The following CDCA7L variants were observed in gnomAD, a reference collection of about 807,000 sequenced individuals.
CDCA7L encodes the protein cell division cycle associated 7 like.
A neutral mutation model predicts 57.4 loss-of-function variants in CDCA7L; 44 were observed. The observed-to-expected ratio is 0.77, with a 90% CI of 0.60 to 0.98. The LOEUF is 0.98. Among genes scored for constraint, CDCA7L ranks in the 50% least tolerant of loss-of-function variants. The pLI, the probability that CDCA7L is intolerant of heterozygous loss-of-function variation, is 0.00. For synonymous variants in CDCA7L, 236 were observed against 202.8 expected, an observed-to-expected ratio of 1.16 and a Z score of -1.39; for missense variants, 644 against 580.6, an observed-to-expected ratio of 1.11 and a Z score of -1.12.
intron 1 of CDCA7L, among the ~76,000 whole-genome samples, chr7:21,925,753 G>C (rs1785805247): frequency 6.6e-6 from 1 of 152,148 alleles, no homozygotes; most frequent in Non-Finnish European, 1.5e-5. Context: ...GCCAGGCATA[G>C]TGGCATGTCT....
Position 21,902,368 on chromosome 7 carries a change from G to A in CDCA7L, c.1335-16C>T, listed in dbSNP as rs775624426. 2 of 1,612,876 alleles carry A rather than the reference G, an allele frequency of 1.2e-6. No individual in the cohort carries two copies. The highest frequency in any genetic ancestry group is 1.7e-5 in the Admixed American group (1 of 59,982). The stretch of plus-strand genomic sequence containing the variant: ...CTTTTGTAAGCTGGGAAAAAGATGA[G>A]AAGTATTTGGTAAAGTAGTACAAAT... On this transcript the variant is annotated splice_polypyrimidine_tract_variant and intron_variant, in intron 9 of 9. Coordinates refer to ENST00000406877, the MANE Select transcript of CDCA7L (RefSeq NM_018719.5).
At chr7:21,913,310 T>A (rs955009775) in intron 2 of CDCA7L, among the ~76,000 whole-genome samples, 1 of 151,990 alleles carries the variant, frequency 6.6e-6, no homozygotes, top group African/African-American at 2.4e-5. Context: ...TGTTCCTTTG[T>A]TGATAGCTGT....
intron 2 of CDCA7L, among the ~76,000 whole-genome samples, chr7:21,913,640 T>G (rs534469562): frequency 6.6e-6 from 1 of 152,324 alleles, no homozygotes; most frequent in Non-Finnish European, 1.5e-5. Context: ...GAGTGGTATT[T>G]CTGTGTGCAA....
intron 1 of CDCA7L, among the ~76,000 whole-genome samples, chr7:21,920,215 A>G (rs1047616828): frequency 6.6e-6 from 1 of 152,208 alleles, no homozygotes; most frequent in Non-Finnish European, 1.5e-5. Context: ...TTATTATGAC[A>G]TTACATTCGC....
chr7:21,908,067 G>A (rs1228093495), intron 4 of CDCA7L, 63 bp downstream of exon 4: 31 of 1,483,300 alleles, frequency 2.1e-5, no homozygotes, highest in Non-Finnish European at 2.7e-5. Context: ...GTGGTTCTGG[G>A]AGCCCAGCAA....
chr7:21,931,084 A>G (rs1785994889), intron 1 of CDCA7L, among the ~76,000 whole-genome samples: 1 of 152,216 alleles, frequency 6.6e-6, no homozygotes, highest in African/African-American at 2.4e-5. Context: ...AACTAGGAAG[A>G]AGTCAAATTC....
In CDCA7L at chr7:21,904,237, C is replaced by A; in HGVS notation, c.1070G>T (p.Arg357Leu). ...KVLGNTCHQC[R>L]QKTIDTKTVC... ...TGTCTTGGTGTCGATGGTCTTTTGT[C>A]GACACTGATGGCACGTGTTACCCTA... Residue 357 changes from arginine (R) to leucine (L), a missense_variant, in exon 8 of 10, where the codon CGA becomes CTA. Physicochemically the swap from Arg to Leu is moderately radical, Grantham distance 102. Transcript: ENST00000406877. 6.2e-7 allele frequency: 1 copy of A among 1,610,416 alleles called. No homozygotes were observed. The highest frequency in any genetic ancestry group is 1.1e-5 in the South Asian group (1 of 90,424).
At position 21,906,414 on chromosome 7, in the gene CDCA7L, T is replaced by G; in HGVS notation, c.796A>C (p.Thr266Pro). 1.2e-6 allele frequency: 2 copies of G among 1,612,340 alleles called. No homozygotes were observed. Among genetic ancestry groups the G allele is most frequent in the Non-Finnish European group, 1.7e-6 (2 of 1,178,986 alleles). Reference protein sequence around the residue: ...VRRAFSEGQITRRMNPTRSAR... With the variant: ...VRRAFSEGQIPRRMNPTRSAR... Reference sequence around the variant, plus strand: ...CTCCGGGTTGGGTTCATACGCCGCGTGATCTGTCCCTCCGAGAAGGCCCGC... The same window carrying G: ...CTCCGGGTTGGGTTCATACGCCGCGGGATCTGTCCCTCCGAGAAGGCCCGC... Residue 266 changes from threonine (T) to proline (P), a missense_variant, in exon 6 of 10, where the codon ACG becomes CCG. By Grantham distance (38) the Thr-to-Pro change is conservative. Coordinates refer to ENST00000406877, the MANE Select transcript of CDCA7L (RefSeq NM_018719.5).
intron 1 of CDCA7L, among the ~76,000 whole-genome samples, chr7:21,943,513 G>A (rs1228220349): frequency 6.6e-6 from 1 of 152,232 alleles, no homozygotes; most frequent in African/African-American, 2.4e-5. Context: ...AAGGCTGGGG[G>A]ACAGGGTGGA....
intron 8 of CDCA7L, 80 bp downstream of exon 8, chr7:21,904,030 G>A (rs1258553912): frequency 7.3e-7 from 1 of 1,378,902 alleles, no homozygotes; most frequent in East Asian, 2.6e-5. Flanking sequence ...CTAGTTCCCA[G>A]TGAGAACCCA....
At chr7:21,902,383 G>C (rs1319055781) in intron 9 of CDCA7L, 31 bp from the exon 10 acceptor site, 2 of 1,604,230 alleles carry the variant, frequency 1.2e-6, no homozygotes, top group Non-Finnish European at 1.7e-6. Context: ...ATTTGGTAAA[G>C]TAGTACAAAT....
intron 3 of CDCA7L, among the ~76,000 whole-genome samples, chr7:21,909,867 G>A (rs1353428461): frequency 1.3e-5 from 2 of 152,158 alleles, no homozygotes; most frequent in East Asian, 3.9e-4. Flanking sequence ...GTAGTACATG[G>A]ATGTGGTTAT....
At chr7:21,938,365 T>C (rs1786238512) in intron 1 of CDCA7L, among the ~76,000 whole-genome samples, 1 of 151,890 alleles carries the variant, frequency 6.6e-6, no homozygotes, top group Non-Finnish European at 1.5e-5. Flanking sequence ...TTATGCACAT[T>C]AGAATGGCCA....
At chr7:21,914,661 A>T (rs1407974103) in intron 2 of CDCA7L, among the ~76,000 whole-genome samples, 1 of 152,176 alleles carries the variant, frequency 6.6e-6, no homozygotes, top group East Asian at 1.9e-4. Context: ...GCGGGGTAAG[A>T]GGCTGAGAAG....
chr7:21,912,680 G>A (rs1785369937), intron 2 of CDCA7L, among the ~76,000 whole-genome samples: 1 of 152,158 alleles, frequency 6.6e-6, no homozygotes, highest in Non-Finnish European at 1.5e-5. Flanking sequence ...CCCACCACCA[G>A]AGAGCCTAGA....
Position 21,902,521 on chromosome 7 carries a change from T to C in CDCA7L, c.1335-169A>G, listed in dbSNP as rs113809925. 8 of 654,362 alleles carry C rather than the reference T, an allele frequency of 1.2e-5. No individual in the cohort carries two copies. In the African/African-American group the frequency reaches 1.3e-4, roughly 10 times the overall value. The allele number at this position is 654,362 out of a possible 1,614,324, so 40.5% of individuals were successfully genotyped here. The stretch of plus-strand genomic sequence containing the variant: ...AATATCCGTATACCCTCTGGTGTAG[T>C]ACGCCCCAAGCATGACTTGCCTCAC... On this transcript the variant is annotated intron_variant, in intron 9 of 9. Coordinates refer to ENST00000406877, the MANE Select transcript of CDCA7L (RefSeq NM_018719.5).
At chr7:21,904,358 C>T (rs1171500316) in intron 7 of CDCA7L, 99 bp from the exon 8 acceptor site, 3 of 1,181,654 alleles carry the variant, frequency 2.5e-6, no homozygotes, top group African/African-American at 3.1e-5. Flanking sequence ...TGAAGAAATA[C>T]CCCCGTCTCC....
At chr7:21,937,803 T>TA (rs566041863) in intron 1 of CDCA7L, among the ~76,000 whole-genome samples, 6 of 152,164 alleles carry the variant, frequency 3.9e-5, no homozygotes, top group Non-Finnish European at 8.8e-5. Flanking sequence ...CCCTTGCATA[T>TA]ACAGTTAACT....
At chr7:21,902,659 CTCTTCATAATCTGTGTCTT>C (rs1784962433) in intron 9 of CDCA7L, 1 of 500,486 alleles carries the variant, frequency 2.0e-6, no homozygotes, top group South Asian at 2.7e-5. Flanking sequence ...TTATGGCTGC[CTCTTCATAATCTGTGTCTT>C]TCCCCTCAGC....
Sources: gnomAD v4.1 joint callset for allele counts (sites outside exome capture counted in the v4.1 genomes callset) on GRCh38, gnomAD v4.1.1 for gene constraint, MANE v1.5 for transcripts, NCBI Gene and HGNC (gene_info 2026-07-23, HGNC 2026-07-21) for gene names.